The following KIAA1328 variants were observed in gnomAD, a reference collection of about 807,000 sequenced individuals.
The protein encoded by KIAA1328 is protein hinderin.
Under a neutral mutation model 68.1 loss-of-function variants are expected in KIAA1328, and 52 were observed. The observed-to-expected ratio is 0.76, with a 90% confidence interval of 0.61 to 0.96. KIAA1328 has a LOEUF of 0.96. Among genes scored for constraint, KIAA1328 ranks in the 40% least tolerant of loss-of-function variants. The probability of loss-of-function intolerance (pLI) is 0.00; values close to 1 mark genes in which losing one functional copy is unlikely to be tolerated. For missense variants in KIAA1328, 641 were observed against 677.6 expected (o/e 0.95, Z 0.60); for synonymous variants, 232 against 239.4 (o/e 0.97, Z 0.28).
chr18:37,173,806 T>C (rs538726782), intron 9 of KIAA1328, among the ~76,000 whole-genome samples: 1 of 152,338 alleles, frequency 6.6e-6, no homozygotes, highest in South Asian at 2.1e-4. Flanking sequence ...TTTAAAGATG[T>C]GCTCTAAAAT....
intron 5 of KIAA1328, among the ~76,000 whole-genome samples, chr18:36,935,075 TC>T (rs2050451844): frequency 6.6e-6 from 1 of 152,228 alleles, no homozygotes. Context: ...TCTTTTTAGT[TC>T]TCAGTTAGGC....
chr18:37,221,359 C>G (rs151133879), intron 9 of KIAA1328, among the ~76,000 whole-genome samples: 154 of 152,286 alleles, frequency 1.0e-3, no homozygotes, highest in African/African-American at 3.5e-3. Context: ...GTTTTGCTAG[C>G]CTCTTACACA....
intron 6 of KIAA1328, among the ~76,000 whole-genome samples, chr18:36,967,191 A>G (rs2051977215): frequency 6.6e-6 from 1 of 152,326 alleles, no homozygotes; most frequent in South Asian, 2.1e-4. Context: ...GCTGAGAGTA[A>G]AAGATGAAAT....
intron 5 of KIAA1328, among the ~76,000 whole-genome samples, chr18:36,929,942 TC>T (rs2050253534): frequency 6.6e-6 from 1 of 152,134 alleles, no homozygotes; most frequent in South Asian, 2.1e-4. Flanking sequence ...TCTGACCTTT[TC>T]TTAGTAGTTT....
At chr18:36,919,473 G>T (rs1366544091) in intron 5 of KIAA1328, among the ~76,000 whole-genome samples, 1 of 152,074 alleles carries the variant, frequency 6.6e-6, no homozygotes, top group East Asian at 1.9e-4. Context: ...TCTTTATCCA[G>T]TCCACTGTTG....
intron 9 of KIAA1328, among the ~76,000 whole-genome samples, chr18:37,217,420 C>CTAA (rs2060465396): frequency 6.6e-6 from 1 of 152,114 alleles, no homozygotes; most frequent in Non-Finnish European, 1.5e-5. Context: ...TTTGCCTTTA[C>CTAA]TAATGAAGCT....
At chr18:36,870,187 AT>A (rs2047899334) in intron 4 of KIAA1328, among the ~76,000 whole-genome samples, 1 of 152,006 alleles carries the variant, frequency 6.6e-6, no homozygotes, top group Non-Finnish European at 1.5e-5. Context: ...TACCATATAA[AT>A]TTTCAGGTTT....
intron 4 of KIAA1328, among the ~76,000 whole-genome samples, chr18:36,872,277 A>C (rs2047972469): frequency 6.6e-6 from 1 of 152,122 alleles, no homozygotes; most frequent in Non-Finnish European, 1.5e-5. Flanking sequence ...CTAAGACCCT[A>C]GGCATATGAG....
rs561610033 is a variant in KIAA1328, at chr18:37,141,743, C to T, written c.1233-18457C>T. On this transcript the variant is annotated intron_variant, in intron 7 of 9. Coordinates refer to ENST00000280020, the MANE Select transcript of KIAA1328 (RefSeq NM_020776.3). Reference sequence around the variant, plus strand: ...AATTCCAGTTGCTCCATGTCCTTGCCAAGGCTTGGTATTATGACTTTAATT... The same window carrying T: ...AATTCCAGTTGCTCCATGTCCTTGCTAAGGCTTGGTATTATGACTTTAATT... Among the ~76,000 whole-genome samples, 6 of 152,288 alleles carry T rather than the reference C, an allele frequency of 3.9e-5. No individual in the cohort carries two copies. The South Asian group carries it at 1.2e-3, about 32-fold the overall frequency.
chr18:36,994,509 C>G (rs1213601053), intron 6 of KIAA1328, among the ~76,000 whole-genome samples: 2 of 152,082 alleles, frequency 1.3e-5, no homozygotes, highest in African/African-American at 4.8e-5. Flanking sequence ...TAGGTGAGAA[C>G]CACTCATCTC....
intron 6 of KIAA1328, among the ~76,000 whole-genome samples, chr18:36,997,726 G>A (rs2053444031): frequency 6.6e-6 from 1 of 152,182 alleles, no homozygotes; most frequent in Non-Finnish European, 1.5e-5. Context: ...AGAGCTGGTA[G>A]GGCTCCTGTA....
At chr18:36,911,252 C>G (rs1475619934) in intron 5 of KIAA1328, among the ~76,000 whole-genome samples, 1 of 152,078 alleles carries the variant, frequency 6.6e-6, no homozygotes, top group Non-Finnish European at 1.5e-5. Context: ...ACTAGAATCA[C>G]CTTACAGTGA....
intron 5 of KIAA1328, among the ~76,000 whole-genome samples, chr18:36,919,973 C>A (rs955978447): frequency 2.0e-5 from 3 of 152,070 alleles, no homozygotes; most frequent in African/African-American, 7.2e-5. Flanking sequence ...AGATATTAGA[C>A]CTTTGTTAGA....
chr18:36,832,458 G>A (rs897289403), intron 1 of KIAA1328, among the ~76,000 whole-genome samples: 2 of 151,550 alleles, frequency 1.3e-5, no homozygotes, highest in African/African-American at 2.4e-5. Flanking sequence ...GTGTGGCGGC[G>A]GGCACCTGTA....
chr18:36,955,244 G>T (rs1344849228), intron 5 of KIAA1328, among the ~76,000 whole-genome samples: 2 of 150,414 alleles, frequency 1.3e-5, no homozygotes, highest in Non-Finnish European at 3.0e-5. Context: ...TGATTCTCCT[G>T]CCTCAGCCTA....
intron 9 of KIAA1328, among the ~76,000 whole-genome samples, chr18:37,174,768 T>G (rs2059568304): frequency 6.6e-6 from 1 of 151,900 alleles, no homozygotes; most frequent in South Asian, 2.1e-4. Flanking sequence ...TAATTTTTTG[T>G]ATTTTTAGTA....
intron 6 of KIAA1328, among the ~76,000 whole-genome samples, chr18:36,977,195 TA>T (rs2052504330): frequency 6.6e-6 from 1 of 152,220 alleles, no homozygotes; most frequent in Admixed American, 6.5e-5. Flanking sequence ...CTTGAAGGCT[TA>T]ATCCACTGTT....
At chr18:37,149,979 A>C (rs2058991645) in intron 7 of KIAA1328, among the ~76,000 whole-genome samples, 1 of 152,212 alleles carries the variant, frequency 6.6e-6, no homozygotes, top group African/African-American at 2.4e-5. Flanking sequence ...GAATGTTGTG[A>C]ACAATTTTTT....
chr18:37,112,370 G>T (rs1263909415), intron 7 of KIAA1328, among the ~76,000 whole-genome samples: 3 of 152,196 alleles, frequency 2.0e-5, no homozygotes, highest in Non-Finnish European at 4.4e-5. Context: ...TGCAATATTT[G>T]CTGTTCTGCA....
Sources: allele counts gnomAD v4.1 joint callset (sites outside exome capture counted in the v4.1 genomes callset), GRCh38; gene constraint gnomAD v4.1.1; transcripts MANE v1.5; gene names NCBI Gene and HGNC (gene_info 2026-07-23, HGNC 2026-07-21).